The following FBXL18 variants were observed in gnomAD, a reference collection of about 807,000 sequenced individuals.
The protein encoded by FBXL18 is F-box/LRR-repeat protein 18.
Under a neutral mutation model 46.0 loss-of-function variants are expected in FBXL18, and 36 were observed. The observed-to-expected ratio is 0.78, with a 90% CI of 0.60 to 1.03. FBXL18 has a LOEUF of 1.03. Ranked by LOEUF, FBXL18 falls within the 50% of genes least tolerant of loss-of-function variation. The pLI is 0.00. For missense variants in FBXL18, 977 were observed against 1,004.1 expected (o/e 0.97, Z 0.36); for synonymous variants, 557 against 465.3 (o/e 1.20, Z -2.54).
Position 5,500,793 on chromosome 7 carries a change from C to T in FBXL18, c.1476G>A (p.Gly492=). ...GGGGCATGGCGGAGGAGAAGTTGGA[C>T]CCAATCAGCTCGAGGTGTTCCAGGA... ...LPFLEHLELI[G]SNFSSAMPRN... is the part of the protein sequence containing the mutation. Residue 492 remains glycine (G), a synonymous_variant, in exon 3 of 5, where the codon GGG becomes GGA. Transcript: ENST00000382368. The T allele has an allele frequency of 6.2e-7, 1 of 1,612,638 alleles. No individual in the cohort carries two copies. The highest frequency in any genetic ancestry group is 8.5e-7 in the Non-Finnish European group (1 of 1,179,784).
chr7:5,466,904 C>T (rs951897414), intron 4 of FBXL18, among the ~76,000 whole-genome samples: 19 of 152,120 alleles, frequency 1.2e-4, no homozygotes, highest in African/African-American at 3.1e-4. Flanking sequence ...TTGTGGGGAA[C>T]GAATGCGCAA....
At chr7:5,454,587 T>C (rs1783147070) in intron 4 of FBXL18, among the ~76,000 whole-genome samples, 1 of 152,350 alleles carries the variant, frequency 6.6e-6, no homozygotes, top group South Asian at 2.1e-4. Flanking sequence ...CAGACTGATT[T>C]CTGAGAAGCA....
intron 4 of FBXL18, among the ~76,000 whole-genome samples, chr7:5,460,254 A>C (rs1783225671): frequency 6.6e-6 from 1 of 152,180 alleles, no homozygotes; most frequent in African/African-American, 2.4e-5. Flanking sequence ...GGTCTCCAAA[A>C]AAACAAACAA....
At chr7:5,499,546 C>A (rs549115058) in intron 3 of FBXL18, among the ~76,000 whole-genome samples, 2 of 151,714 alleles carry the variant, frequency 1.3e-5, no homozygotes, top group African/African-American at 2.4e-5. Context: ...CTGGCCAATA[C>A]TGCAAAACCC....
intron 4 of FBXL18, among the ~76,000 whole-genome samples, chr7:5,456,119 A>T (rs753583065): frequency 2.7e-5 from 4 of 150,156 alleles, no homozygotes; most frequent in Non-Finnish European, 4.4e-5. Flanking sequence ...CTCCCACCTA[A>T]CGTCATCATG....
At chr7:5,495,938 T>C (rs536239711) in intron 3 of FBXL18, 4 of 470,618 alleles carry the variant, frequency 8.5e-6, no homozygotes. Context: ...AGAGATGGCA[T>C]TATGAGCAGG....
At chr7:5,507,248 G>A (rs1390270040) in intron 1 of FBXL18, among the ~76,000 whole-genome samples, 2 of 152,160 alleles carry the variant, frequency 1.3e-5, no homozygotes, top group African/African-American at 4.8e-5. Context: ...CATGGAGGAA[G>A]AGCCTATCTG....
At chr7:5,486,068 AAT>A (rs1246049017) in intron 4 of FBXL18, among the ~76,000 whole-genome samples, 157 of 40,076 alleles carry the variant, frequency 3.9e-3, no homozygotes, top group African/African-American at 0.016. Flanking sequence ...CAAAAAAATA[AAT>A]AAATAAATAA....
intron 4 of FBXL18, among the ~76,000 whole-genome samples, chr7:5,463,004 T>TATATATATATATATATAC (rs1221961422): frequency 6.0e-5 from 5 of 83,920 alleles, no homozygotes; most frequent in Non-Finnish European, 1.0e-4. Flanking sequence ...ATAATATATA[T>TATATATATATATATATAC]ACACACACAC....
intron 3 of FBXL18, chr7:5,495,778 C>T (rs1005064102): frequency 8.5e-6 from 4 of 472,140 alleles, no homozygotes; most frequent in Admixed American, 2.3e-5. Context: ...CTGCAGCGTC[C>T]GGGCTCCCTT....
intron 4 of FBXL18, among the ~76,000 whole-genome samples, chr7:5,465,726 T>C (rs369476534): frequency 1.1e-4 from 16 of 152,168 alleles, no homozygotes; most frequent in African/African-American, 3.6e-4. Flanking sequence ...TATTGGGTAC[T>C]ATGTTCGCTA....
At chr7:5,474,518 G>A (rs1480056858), downstream of FBXL18, among the ~76,000 whole-genome samples, 3 of 151,930 alleles carry the variant, frequency 2.0e-5, no homozygotes, top group East Asian at 5.8e-4. Context: ...GTCTGACTAC[G>A]TTGCCCAGGC....
At chr7:5,470,701 GGGGGGAGA>G (rs1783414115) in intron 4 of FBXL18, among the ~76,000 whole-genome samples, 1 of 5,082 alleles carries the variant, frequency 2.0e-4, no homozygotes, top group Non-Finnish European at 7.9e-4. Context: ...CCCCTTCCCG[GGGGGGAGA>G]TGTCCCCTTC....
At chr7:5,470,295 C>T (rs1456887503) in intron 4 of FBXL18, among the ~76,000 whole-genome samples, 1 of 152,134 alleles carries the variant, frequency 6.6e-6, no homozygotes, top group Non-Finnish European at 1.5e-5. Flanking sequence ...CAGCGCCACC[C>T]TCAGGGGCCC....
Position 5,481,761 on chromosome 7 carries a change from G to T in FBXL18, c.*14C>A. Reference sequence around the variant, plus strand: ...CTCGAGGTGACTGAGACCGATGGGCGGCGGCTCCGCCTCTCACCACCACAG... The same window carrying T: ...CTCGAGGTGACTGAGACCGATGGGCTGCGGCTCCGCCTCTCACCACCACAG... On this transcript the variant is annotated 3_prime_UTR_variant, in exon 5 of 5. Coordinates refer to ENST00000382368, the MANE Select transcript of FBXL18 (RefSeq NM_024963.6). 2 of 1,612,812 alleles carry T rather than the reference G, an allele frequency of 1.2e-6. No homozygotes were observed. The highest frequency in any genetic ancestry group is 4.5e-5 in the East Asian group (2 of 44,876).
Position 5,481,686 on chromosome 7 carries a change from T to C in FBXL18, c.*89A>G, listed in dbSNP as rs929807400. The C allele has an allele frequency of 2.1e-6, 3 of 1,434,274 alleles. No individual in the cohort carries two copies. The highest frequency in any genetic ancestry group is 2.9e-6 in the Non-Finnish European group (3 of 1,041,096). 88.8% of individuals were successfully genotyped at this position (1,434,274 alleles called of 1,614,324 possible). A position where few individuals can be genotyped will look rare whatever the true frequency, so the allele number is the denominator to read the frequency against. On this transcript the variant is annotated 3_prime_UTR_variant, in exon 5 of 5. Coordinates refer to ENST00000382368, the MANE Select transcript of FBXL18 (RefSeq NM_024963.6). ...TGGCTGGCCGGGAGAGAGGCCCCCT[T>C]CCTCTTGTGACAAACCAAGGGTCCC... is the stretch of plus-strand genomic sequence containing the variant.
intron 2 of FBXL18, 115 bp downstream of exon 2, chr7:5,505,297 T>A: frequency 1.0e-6 from 1 of 972,462 alleles, no homozygotes; most frequent in South Asian, 1.6e-5. Context: ...CAGTCAGGAC[T>A]TGGAGTTCCT....
At chr7:5,504,711 C>A (rs1453361610) in intron 2 of FBXL18, among the ~76,000 whole-genome samples, 1 of 148,732 alleles carries the variant, frequency 6.7e-6, no homozygotes, top group Non-Finnish European at 1.5e-5. Context: ...GTCAGGAGAT[C>A]GAGACCATCC....
intron 4 of FBXL18, among the ~76,000 whole-genome samples, chr7:5,486,525 C>T (rs1276237159): frequency 6.6e-6 from 1 of 151,820 alleles, no homozygotes; most frequent in Non-Finnish European, 1.5e-5. Context: ...TGGTGGCGTG[C>T]ACCTGTAGTC....
Sources: gnomAD v4.1 joint callset for allele counts (sites outside exome capture counted in the v4.1 genomes callset) on GRCh38, gnomAD v4.1.1 for gene constraint, MANE v1.5 for transcripts, NCBI Gene and HGNC (gene_info 2026-07-23, HGNC 2026-07-21) for gene names.